The following PLEKHH1 variants were observed in gnomAD, a reference collection of about 807,000 sequenced individuals.
The protein encoded by PLEKHH1 is pleckstrin homology domain-containing family H member 1.
A neutral mutation model predicts 160.0 loss-of-function variants in PLEKHH1; 104 were observed. The observed-to-expected ratio is 0.65, with a 90% CI of 0.55 to 0.76. The LOEUF is 0.76. Among genes scored for constraint, PLEKHH1 ranks in the 30% least tolerant of loss-of-function variants. PLEKHH1 has a pLI of 0.00. For synonymous variants in PLEKHH1, 619 were observed against 678.4 expected (o/e 0.91, Z 1.36); for missense variants, 1,427 against 1,724.1 (o/e 0.83, Z 3.05).
chr14:67,558,625 C>T (rs1456556294), intron 4 of PLEKHH1, among the ~76,000 whole-genome samples: 1 of 152,180 alleles, frequency 6.6e-6, no homozygotes, highest in African/African-American at 2.4e-5. Context: ...ATCAGTAGGT[C>T]AATCTCATAA....
At chr14:67,556,300 G>A (rs1594757984) in intron 3 of PLEKHH1, among the ~76,000 whole-genome samples, 1 of 152,296 alleles carries the variant, frequency 6.6e-6, no homozygotes, top group Admixed American at 6.5e-5. Flanking sequence ...AGGAAAGAAA[G>A]CTGGATGTAT....
At chr14:67,557,188 G>A (rs560418012) in intron 3 of PLEKHH1, 81 bp from the exon 4 acceptor site, 100 of 1,171,218 alleles carry the variant, frequency 8.5e-5, no homozygotes, top group Middle Eastern at 2.0e-4. Context: ...GGCATCAGAC[G>A]GTGTCCCATC....
intron 2 of PLEKHH1, among the ~76,000 whole-genome samples, chr14:67,543,477 G>A (rs1423340708): frequency 6.6e-6 from 1 of 152,232 alleles, no homozygotes; most frequent in Non-Finnish European, 1.5e-5. Flanking sequence ...GATTCTCAAA[G>A]TGTGGTCAGA....
At position 67,573,979 on chromosome 14, in the gene PLEKHH1, C is replaced by A; in HGVS notation, c.1926+92C>A. ...TGAGACAAAGATGGGGCCAAATGAG[C>A]ATGAATGAAAGACTTCAGATCAACA... On this transcript the variant is annotated intron_variant, in intron 13 of 28. Coordinates refer to ENST00000329153, the MANE Select transcript of PLEKHH1 (RefSeq NM_020715.3). This position sits in a 1 kb window ranked among gnomAD's most constrained non-coding sequence, Gnocchi z 4.8. 1.1e-6 allele frequency: 1 copy of A among 921,414 alleles called. No individual in the cohort carries two copies. The allele number at this position is 921,414 out of a possible 1,614,324, so 57.1% of individuals were successfully genotyped here.
chr14:67,575,403 C>T lies in PLEKHH1; in HGVS notation c.2100C>T (p.Gly700=). 1 of 1,603,526 alleles carries T rather than the reference C, an allele frequency of 6.2e-7. No individual in the cohort carries two copies. Among genetic ancestry groups the T allele is most frequent in the East Asian group, 2.2e-5 (1 of 44,752 alleles). Residue 700 remains glycine (G), a synonymous_variant, in exon 15 of 29, where the codon GGC becomes GGT. Transcript: ENST00000329153. ...TTTCTGTCTTACAGGTAAAGCATGG[C>T]CACTCCAAGGTGGTCTGGTGCGCTC... ...VKGWLTKVKH[G]HSKVVWCALV... is the part of the protein sequence containing the mutation.
intron 7 of PLEKHH1, among the ~76,000 whole-genome samples, chr14:67,565,860 C>G (rs189368994): frequency 6.6e-5 from 10 of 152,322 alleles, no homozygotes; most frequent in African/African-American, 9.6e-5. Flanking sequence ...TAGCTTATGC[C>G]TGTAATCCCA....
At chr14:67,551,465 T>C (rs1284771896) in intron 2 of PLEKHH1, among the ~76,000 whole-genome samples, 1 of 152,120 alleles carries the variant, frequency 6.6e-6, no homozygotes, top group Non-Finnish European at 1.5e-5. Flanking sequence ...TTATTATATA[T>C]ATATATTTTT....
At chr14:67,537,346 AAAT>A (rs111429286) in intron 1 of PLEKHH1, among the ~76,000 whole-genome samples, 3,127 of 126,568 alleles carry the variant, frequency 0.025, 180 homozygotes, top group African/African-American at 0.091. Context: ...TCCATCTCAA[AAAT>A]AATAATAATA....
intron 28 of PLEKHH1, 126 bp from the exon 29 acceptor site, chr14:67,586,948 A>G: frequency 6.5e-7 from 1 of 1,544,576 alleles, no homozygotes; most frequent in Admixed American, 2.0e-5. Context: ...ATTTTCTCCC[A>G]GGTGGGTATT....
At chr14:67,585,418 C>T in intron 26 of PLEKHH1, 150 bp from the exon 27 acceptor site, 1 of 631,752 alleles carries the variant, frequency 1.6e-6, no homozygotes, top group Non-Finnish European at 2.8e-6. Flanking sequence ...CCTGCATACA[C>T]TGTACAAATA....
At chr14:67,549,647 G>A (rs1306638530) in intron 2 of PLEKHH1, among the ~76,000 whole-genome samples, 1 of 152,178 alleles carries the variant, frequency 6.6e-6, no homozygotes, top group Non-Finnish European at 1.5e-5. Context: ...CAGGAACCAT[G>A]TATGGATGAG....
At chr14:67,535,383 T>C (rs1418383429) in intron 1 of PLEKHH1, among the ~76,000 whole-genome samples, 2 of 138,110 alleles carry the variant, frequency 1.4e-5, no homozygotes, top group Non-Finnish European at 3.1e-5. Flanking sequence ...TTTTTTTTTT[T>C]TTTTTTTTTT....
At chr14:67,554,483 A>G (rs1028594152) in intron 2 of PLEKHH1, among the ~76,000 whole-genome samples, 1 of 152,096 alleles carries the variant, frequency 6.6e-6, no homozygotes, top group African/African-American at 2.4e-5. Flanking sequence ...TGGGACATGT[A>G]TGATGCATAT....
chr14:67,534,314 T>C (rs1307044651), intron 1 of PLEKHH1, among the ~76,000 whole-genome samples: 1 of 152,114 alleles, frequency 6.6e-6, no homozygotes, highest in Non-Finnish European at 1.5e-5. Context: ...TGCAGTGGCT[T>C]ATGCCTGTAA....
chr14:67,542,875 T>C (rs1566723529), intron 2 of PLEKHH1, among the ~76,000 whole-genome samples: 1 of 151,974 alleles, frequency 6.6e-6, no homozygotes, highest in African/African-American at 2.4e-5. Flanking sequence ...TAATTTTGTG[T>C]TATTAGTAGA....
Position 67,569,175 on chromosome 14 carries a change from G to A in PLEKHH1, c.1301G>A (p.Arg434Gln), listed in dbSNP as rs947858859. ...TATGCTGTGGCCACATCGGGCATGC[G>A]GCTCTCAGATATGTCTCCCAGAAGT... ...RIYAVATSGM[R>Q]LSDMSPRSNT... Residue 434 changes from arginine to glutamine, a missense_variant, in exon 8 of 29, where the codon CGG (arginine) becomes CAG (glutamine). Coordinates refer to ENST00000329153, the MANE Select transcript of PLEKHH1 (RefSeq NM_020715.3). 3.1e-6 allele frequency: 5 copies of A among 1,613,304 alleles called. No homozygotes were observed. The highest frequency in any genetic ancestry group is 1.3e-5 in the African/African-American group (1 of 75,012).
intron 1 of PLEKHH1, among the ~76,000 whole-genome samples, chr14:67,540,557 C>T (rs1247320762): frequency 1.3e-5 from 2 of 149,876 alleles, no homozygotes; most frequent in African/African-American, 4.9e-5. Flanking sequence ...AGCCAGGAGG[C>T]AGAGGTTGTA....
rs1358553170 is a variant in PLEKHH1 at position 67,575,373 on chromosome 14, G to C, written c.2089-19G>C. On this transcript the variant is annotated intron_variant, in intron 14 of 28. Coordinates refer to ENST00000329153, the MANE Select transcript of PLEKHH1 (RefSeq NM_020715.3). ...GAGTTACCTAGTTCTCATAATGCCA[G>C]TTCATTTCTGTCTTACAGGTAAAGC... is the stretch of plus-strand genomic sequence containing the variant. 3.3e-6 allele frequency: 5 copies of C among 1,532,046 alleles called. No homozygotes were observed. The South Asian group carries it at 4.7e-5, about 14-fold the overall frequency. 94.9% of individuals were successfully genotyped at this position (1,532,046 alleles called of 1,614,324 possible). A position where few individuals can be genotyped will look rare whatever the true frequency, so the allele number is the denominator to read the frequency against.
At chr14:67,564,092 G>T (rs950990200) in intron 7 of PLEKHH1, among the ~76,000 whole-genome samples, 2 of 151,656 alleles carry the variant, frequency 1.3e-5, no homozygotes, top group African/African-American at 2.4e-5. Flanking sequence ...TAGTAGAGAC[G>T]GGGTTTCACC....
Sources: allele counts gnomAD v4.1 joint callset (sites outside exome capture counted in the v4.1 genomes callset), GRCh38; gene constraint gnomAD v4.1.1; non-coding constraint Gnocchi (gnomAD v3.1); transcripts MANE v1.5; gene names NCBI Gene and HGNC (gene_info 2026-07-23, HGNC 2026-07-21).